Variants in RAB27A observed in about 807,000 individuals in gnomAD.
The protein encoded by RAB27A is RAB27A, member RAS oncogene family.
In RAB27A, 17 loss-of-function variants were observed where a neutral mutation model predicts 20.8. That is an observed-to-expected ratio of 0.82 (90% CI 0.56 to 1.23). The LOEUF (loss-of-function observed/expected upper bound fraction) is 1.23, where lower values mean the gene tolerates loss of function less well. RAB27A is among the 50% of genes most tolerant of loss of function. The probability of loss-of-function intolerance (pLI) is 0.00; values close to 1 mark genes in which losing one functional copy is unlikely to be tolerated. For synonymous variants in RAB27A, 85 were observed against 92.8 expected, an observed-to-expected ratio of 0.92 and a Z score of 0.48; for missense variants, 277 against 266.7, an observed-to-expected ratio of 1.04 and a Z score of -0.27.
At chr15:55,260,885 T>C (rs55722895) in intron 2 of RAB27A, among the ~76,000 whole-genome samples, 14,067 of 152,162 alleles carry the variant, frequency 0.092, 2,216 homozygotes, top group African/African-American at 0.33. Context: ...TACATACCCA[T>C]AGAATGTACA....
intron 1 of RAB27A, chr15:55,317,612 C>G: frequency 2.5e-6 from 1 of 397,532 alleles, no homozygotes; most frequent in South Asian, 1.3e-4. Flanking sequence ...TGCGCCAGGC[C>G]TAACTCCATG....
At chr15:55,222,119 CCCTGCCTGAGAAACT>C (rs1242776667) in intron 6 of RAB27A, among the ~76,000 whole-genome samples, 1 of 152,146 alleles carries the variant, frequency 6.6e-6, no homozygotes, top group African/African-American at 2.4e-5. Flanking sequence ...TTCAAGTGAA[CCCTGCCTGAGAAACT>C]CCTCCAAACC....
chr15:55,216,344 C>A (rs1895302331), intron 6 of RAB27A, among the ~76,000 whole-genome samples: 1 of 152,056 alleles, frequency 6.6e-6, no homozygotes, highest in African/African-American at 2.4e-5. Flanking sequence ...ATCAGCCTGG[C>A]CAACATGGTG....
At chr15:55,259,385 A>C (rs779146162) in intron 2 of RAB27A, among the ~76,000 whole-genome samples, 1 of 152,042 alleles carries the variant, frequency 6.6e-6, no homozygotes, top group Non-Finnish European at 1.5e-5. Flanking sequence ...TCTCAGGCTC[A>C]AGTGATCCTC....
intron 2 of RAB27A, among the ~76,000 whole-genome samples, chr15:55,297,113 G>C (rs2054952754): frequency 6.6e-6 from 1 of 152,200 alleles, no homozygotes; most frequent in African/African-American, 2.4e-5. Context: ...GTTCATGTAA[G>C]CTACTTAGAA....
At chr15:55,282,685 T>C (rs1327139050) in intron 1 of RAB27A, among the ~76,000 whole-genome samples, 2 of 152,100 alleles carry the variant, frequency 1.3e-5, no homozygotes, top group African/African-American at 4.8e-5. Context: ...AGGTACACGA[T>C]CTCTGGGGTC....
intron 2 of RAB27A, among the ~76,000 whole-genome samples, chr15:55,263,487 C>T (rs180987342): frequency 6.6e-6 from 1 of 152,136 alleles, no homozygotes; most frequent in Admixed American, 6.5e-5. Context: ...AATGCATTAG[C>T]TATCATCCGA....
At chr15:55,293,844 G>A (rs183740473), upstream of RAB27A, among the ~76,000 whole-genome samples, 4 of 152,256 alleles carry the variant, frequency 2.6e-5, no homozygotes, top group East Asian at 7.7e-4. Flanking sequence ...TTGAACCCGG[G>A]AGGTGGAGGT....
chr15:55,233,487 T>G (rs1461356628), intron 3 of RAB27A, among the ~76,000 whole-genome samples: 1 of 152,170 alleles, frequency 6.6e-6, no homozygotes, highest in Non-Finnish European at 1.5e-5. Context: ...AATAGAATAT[T>G]ATGTAGCTAT....
intron 2 of RAB27A, among the ~76,000 whole-genome samples, chr15:55,303,662 G>C (rs1258202480): frequency 2.5e-5 from 3 of 120,492 alleles, no homozygotes; most frequent in Non-Finnish European, 5.3e-5. Flanking sequence ...GGGAGGTGGG[G>C]GGGGTCAGCC....
intron 2 of RAB27A, among the ~76,000 whole-genome samples, chr15:55,311,946 C>T (rs1033797270): frequency 1.4e-4 from 22 of 152,246 alleles, no homozygotes; most frequent in East Asian, 1.2e-3. Flanking sequence ...TGGCAAGCCT[C>T]GTGTTCTCTG....
At chr15:55,217,657 C>T (rs1895370110) in intron 6 of RAB27A, among the ~76,000 whole-genome samples, 1 of 87,084 alleles carries the variant, frequency 1.1e-5, no homozygotes, top group Non-Finnish European at 2.0e-5. Flanking sequence ...GAGCTACACT[C>T]CATCTCAAAA....
At chr15:55,211,721 C>G (rs545858458) in intron 6 of RAB27A, among the ~76,000 whole-genome samples, 24 of 152,222 alleles carry the variant, frequency 1.6e-4, no homozygotes, top group Non-Finnish European at 3.1e-4. Flanking sequence ...AAAAGTTAAG[C>G]GGTCTGATCA....
intron 5 of RAB27A, among the ~76,000 whole-genome samples, chr15:55,224,646 CT>C (rs1217628193): frequency 6.6e-6 from 1 of 152,140 alleles, no homozygotes; most frequent in African/African-American, 2.4e-5. Flanking sequence ...TTTATTTCAC[CT>C]GAAAACCTGC....
intron 2 of RAB27A, among the ~76,000 whole-genome samples, chr15:55,253,964 T>G (rs1282302120): frequency 1.9e-4 from 29 of 152,162 alleles, no homozygotes; most frequent in Admixed American, 1.9e-3. Context: ...TATGTTTGAG[T>G]GTTCAGGGGA....
At chr15:55,269,511 C>T (rs1304381436) in intron 2 of RAB27A, among the ~76,000 whole-genome samples, 2 of 152,120 alleles carry the variant, frequency 1.3e-5, no homozygotes, top group South Asian at 2.1e-4. Flanking sequence ...CTTTGGGAGG[C>T]CCAGGTGGGA....
At chr15:55,240,042 T>C (rs1896419168) in intron 2 of RAB27A, among the ~76,000 whole-genome samples, 1 of 152,172 alleles carries the variant, frequency 6.6e-6, no homozygotes, top group South Asian at 2.1e-4. Context: ...TTATCACTAC[T>C]AGGTGAAGAC....
intron 1 of RAB27A, 102 bp from the exon 2 acceptor site, chr15:55,270,386 A>G (rs958859427): frequency 6.6e-6 from 1 of 152,212 alleles, no homozygotes; most frequent in African/African-American, 2.4e-5. Flanking sequence ...AACTTTCAAA[A>G]CAGGCATCGC....
At chr15:55,228,823 A>G in intron 4 of RAB27A, 111 bp from the exon 5 acceptor site, 1 of 763,618 alleles carries the variant, frequency 1.3e-6, no homozygotes, top group African/African-American at 1.7e-5. Flanking sequence ...AACAAGCTAC[A>G]TGGTGATATT....
Sources: allele counts gnomAD v4.1 joint callset (sites outside exome capture counted in the v4.1 genomes callset), GRCh38; gene constraint gnomAD v4.1.1; transcripts MANE v1.5; gene names NCBI Gene and HGNC (gene_info 2026-07-23, HGNC 2026-07-21).